Variants in DHX34 observed in about 807,000 individuals in gnomAD.
DHX34 encodes DExH-box helicase 34, also known as probable ATP-dependent RNA helicase DHX34.
Under a neutral mutation model 111.1 loss-of-function variants are expected in DHX34, and 96 were observed. That is an observed-to-expected ratio of 0.86 (90% confidence interval 0.73 to 1.02). The LOEUF (loss-of-function observed/expected upper bound fraction) is 1.02. Among genes scored for constraint, DHX34 ranks in the 50% least tolerant of loss-of-function variants. The probability of loss-of-function intolerance (pLI) is 0.00; values close to 1 mark genes in which losing one functional copy is unlikely to be tolerated. For synonymous variants in DHX34, 688 were observed against 670.4 expected (o/e 1.03, Z -0.41); for missense variants, 1,560 against 1,579.9 (o/e 0.99, Z 0.21).
At chr19:47,367,860 T>C (rs1400737543) in intron 7 of DHX34, among the ~76,000 whole-genome samples, 2 of 139,586 alleles carry the variant, frequency 1.4e-5, no homozygotes, top group Admixed American at 7.6e-5. Flanking sequence ...CATGCCATTG[T>C]ACTCTAGCCT....
At chr19:47,375,811 G>C in intron 10 of DHX34, 103 bp downstream of exon 10, 1 of 1,547,566 alleles carries the variant, frequency 6.5e-7, no homozygotes, top group Non-Finnish European at 8.7e-7. Flanking sequence ...TTCAGGAGCC[G>C]GGTTTCCATG....
chr19:47,366,455 A>AT (rs1294049009), intron 6 of DHX34, among the ~76,000 whole-genome samples: 2 of 151,074 alleles, frequency 1.3e-5, no homozygotes, highest in African/African-American at 4.9e-5. Context: ...TAATTTTTGT[A>AT]TTTTTAGTAG....
chr19:47,379,173 T>A (rs1371129795), intron 13 of DHX34, among the ~76,000 whole-genome samples: 1 of 151,584 alleles, frequency 6.6e-6, no homozygotes, highest in African/African-American at 2.4e-5. Context: ...AAGAAGAAGA[T>A]GGAGAAACTT....
At position 47,379,699 on chromosome 19, in the gene DHX34, C is replaced by A. The variant is rs762180902; in HGVS notation, c.2707-11C>A. ...CCACCTACTCCCTGTCTTCTGCCCC[C>A]TCTCTTTCAGTCCCTCCTGCTTTTT... On this transcript the variant is annotated splice_polypyrimidine_tract_variant and intron_variant, in intron 13 of 16. Transcript: ENST00000328771. 28 of 1,587,056 alleles carry A rather than the reference C, an allele frequency of 1.8e-5. No individual in the cohort carries two copies. Among genetic ancestry groups the A allele is most frequent in the Non-Finnish European group, 2.4e-5 (28 of 1,159,450 alleles).
intron 4 of DHX34, 34 bp downstream of exon 4, chr19:47,358,154 G>T: frequency 1.3e-6 from 2 of 1,591,378 alleles, no homozygotes; most frequent in Non-Finnish European, 1.7e-6. Context: ...GCAGGCGGGG[G>T]GTCTGCATGA....
intron 14 of DHX34, 137 bp downstream of exon 14, chr19:47,380,122 G>C: frequency 7.2e-7 from 1 of 1,394,024 alleles, no homozygotes; most frequent in South Asian, 1.5e-5. Flanking sequence ...CAGAGGTTCA[G>C]TCACTTACAC....
At position 47,359,955 on chromosome 19, in the gene DHX34, C is replaced by A. The variant is rs371270542; in HGVS notation, c.1273-13C>A. On this transcript the variant is annotated splice_polypyrimidine_tract_variant and intron_variant, in intron 4 of 16. Coordinates refer to ENST00000328771, the MANE Select transcript of DHX34 (RefSeq NM_014681.6). ...GAGTTAGTTCCTGACACCACCCCCT[C>A]CCTTCCTCCCAGGTATTTGATGTGG... The A allele has an allele frequency of 2.5e-6, 4 of 1,613,992 alleles. No individual in the cohort carries two copies. In the South Asian group the frequency reaches 3.3e-5, roughly 13 times the overall value.
Position 47,382,322 on chromosome 19 carries a change from T to A in DHX34, c.*209T>A. The A allele has an allele frequency of 1.1e-6, 1 of 911,438 alleles. No individual in the cohort carries two copies. Among genetic ancestry groups the A allele is most frequent in the Non-Finnish European group, 1.6e-6 (1 of 638,984 alleles). 56.5% of individuals were successfully genotyped at this position (911,438 alleles called of 1,614,324 possible). On this transcript the variant is annotated 3_prime_UTR_variant, in exon 17 of 17. Transcript: ENST00000328771. ...ACCTGCCCATCCAGAAAGCAGCAGC[T>A]GCCTTGTTAGTCCTCCCCAGGGTCT...
At chr19:47,361,785 G>A (rs541557381) in intron 5 of DHX34, among the ~76,000 whole-genome samples, 1 of 152,078 alleles carries the variant, frequency 6.6e-6, no homozygotes, top group Admixed American at 6.6e-5. Context: ...AAAAAGAAAA[G>A]AAAGAAAATG....
intron 12 of DHX34, 107 bp downstream of exon 12, chr19:47,376,667 G>T (rs1220576039): frequency 4.7e-6 from 7 of 1,479,470 alleles, no homozygotes; most frequent in Non-Finnish European, 6.3e-6. Context: ...GCCCAGGCTG[G>T]TATTGACGGG....
chr19:47,375,952 T>G lies in DHX34; in HGVS notation c.2336T>G (p.Leu779Arg), dbSNP rs1412616112. ...QDVKFKLRHD[L>R]AQLQAAASSA... ...GTGAAGTTCAAGCTTCGGCATGACC[T>G]GGCGCAGCTGCAGGCCGCTGCCAGC... Residue 779 changes from leucine (L) to arginine (R), a missense_variant, in exon 11 of 17, where the codon CTG becomes CGG. Leu to Arg is a moderately radical substitution (Grantham distance 102, BLOSUM62 -2). Transcript: ENST00000328771. 1 of 1,603,556 alleles carries G rather than the reference T, an allele frequency of 6.2e-7. No individual in the cohort carries two copies. The highest frequency in any genetic ancestry group is 8.5e-7 in the Non-Finnish European group (1 of 1,177,672).
chr19:47,375,652 G>A lies in DHX34; in HGVS notation c.2251G>A (p.Asp751Asn). 1.3e-6 allele frequency: 2 copies of A among 1,556,222 alleles called. No individual in the cohort carries two copies. Among genetic ancestry groups the A allele is most frequent in the Non-Finnish European group, 1.7e-6 (2 of 1,153,896 alleles). The change falls in exon 10 of 17, where the codon GAC becomes AAC. Residue 751 changes from aspartate to asparagine, a missense_variant. Asp to Asn is a conservative substitution (Grantham distance 23). Coordinates refer to ENST00000328771, the MANE Select transcript of DHX34 (RefSeq NM_014681.6). Reference sequence around the variant, plus strand: ...GGAGGAGCAGGACGGCGGCTCCAGTGACGAGGACAGGGCTGGCCCAGCCCC... The same window carrying A: ...GGAGGAGCAGGACGGCGGCTCCAGTAACGAGGACAGGGCTGGCCCAGCCCC... ...LQEEQDGGSS[D>N]EDRAGPAPPG...
chr19:47,372,503 C>T (rs932546988), intron 7 of DHX34: 3 of 658,400 alleles, frequency 4.6e-6, no homozygotes, highest in Non-Finnish European at 5.6e-6. Flanking sequence ...AGGGACTGGC[C>T]ATCTCCAATC....
At chr19:47,363,817 CAAA>C (rs34357751) in intron 6 of DHX34, among the ~76,000 whole-genome samples, 8 of 76,194 alleles carry the variant, frequency 1.0e-4, no homozygotes, top group South Asian at 3.9e-4. Flanking sequence ...GACTCCATCT[CAAA>C]AAAAAAAAAA....
chr19:47,380,685 T>C, intron 14 of DHX34, 131 bp from the exon 15 acceptor site: 1 of 1,481,092 alleles, frequency 6.8e-7, no homozygotes, highest in Non-Finnish European at 9.0e-7. Flanking sequence ...AGCCAAATTG[T>C]GATTGGTGTA....
chr19:47,373,822 T>C, intron 9 of DHX34, 122 bp downstream of exon 9: 3 of 1,227,148 alleles, frequency 2.4e-6, no homozygotes, highest in Non-Finnish European at 2.2e-6. Context: ...TGCACCCACC[T>C]CCCCCACCAC....
chr19:47,375,568 C>A lies in DHX34; in HGVS notation c.2167C>A (p.Gln723Lys). Residue 723 changes from glutamine (Q) to lysine (K), a missense_variant, in exon 10 of 17, where the codon CAG (glutamine) becomes AAG (lysine). Physicochemically the swap from Gln to Lys is moderately conservative, Grantham distance 53. Transcript: ENST00000328771. ...QQRRERRALH[Q>K]LKRQHEEGAG... Reference sequence around the variant, plus strand: ...GCGCCGGGAGCGCCGGGCCCTGCACCAGCTGAAACGCCAGCACGAGGAGGG... The same window carrying A: ...GCGCCGGGAGCGCCGGGCCCTGCACAAGCTGAAACGCCAGCACGAGGAGGG... 1 of 1,548,156 alleles carries A rather than the reference C, an allele frequency of 6.5e-7. No individual in the cohort carries two copies.
chr19:47,376,821 G>A, intron 12 of DHX34: 1 of 1,525,352 alleles, frequency 6.6e-7, no homozygotes, highest in Admixed American at 2.0e-5. Flanking sequence ...ACCGGTCAGG[G>A]GGCCTGTCCT....
At chr19:47,368,632 A>G (rs111784881) in intron 7 of DHX34, among the ~76,000 whole-genome samples, 170 of 143,278 alleles carry the variant, frequency 1.2e-3, no homozygotes, top group East Asian at 2.1e-3. Context: ...GTGTGTGTGT[A>G]TATATATACA....
Sources: gnomAD v4.1 joint callset for allele counts (sites outside exome capture counted in the v4.1 genomes callset) on GRCh38, gnomAD v4.1.1 for gene constraint, MANE v1.5 for transcripts, NCBI Gene and HGNC (gene_info 2026-07-23, HGNC 2026-07-21) for gene names.